Variants in DCPH1 observed in about 807,000 individuals in gnomAD.
DCPH1 encodes the protein damage-control phosphatase 1.
chr6:151,467,436 T>TA, the DCPH1 span, among the ~76,000 whole-genome samples: 2,368 of 149,952 alleles, frequency 0.016, 61 homozygotes, highest in African/African-American at 0.054. Context: ...CCATCTTTAT[T>TA]AAAAAAAAAA....
the DCPH1 span, among the ~76,000 whole-genome samples, chr6:151,466,293 TA>T: frequency 0.11 from 15,734 of 147,330 alleles, 840 homozygotes; most frequent in Middle Eastern, 0.17. Context: ...GCCTTGGAAT[TA>T]AAAAAAAAAA....
At chr6:151,458,597 A>G in the DCPH1 span, 2 of 1,542,742 alleles carry the variant, frequency 1.3e-6, no homozygotes, top group East Asian at 2.3e-5. Flanking sequence ...ATCAACTATC[A>G]AATGTTTAGA....
chr6:151,464,574 C>G, the DCPH1 span: 1 of 1,610,450 alleles, frequency 6.2e-7, no homozygotes, highest in Non-Finnish European at 8.5e-7. Context: ...TATTGAAGAC[C>G]TAGATGAAAA....
the DCPH1 span, among the ~76,000 whole-genome samples, chr6:151,462,451 G>A: frequency 6.6e-6 from 1 of 152,036 alleles, no homozygotes; most frequent in Non-Finnish European, 1.5e-5. Context: ...TTTTGTGTCT[G>A]GCTTCTTTCA....
At chr6:151,467,325 A>G in the DCPH1 span, among the ~76,000 whole-genome samples, 8 of 151,674 alleles carry the variant, frequency 5.3e-5, no homozygotes, top group Admixed American at 1.3e-4. Context: ...AGGGCCTGAC[A>G]AGGTGGCTCA....
At chr6:151,464,687 A>G in the DCPH1 span, 2 of 972,598 alleles carry the variant, frequency 2.1e-6, no homozygotes, top group Non-Finnish European at 2.9e-6. Flanking sequence ...TACAGTTAAC[A>G]AAACATGTAA....
the DCPH1 span, chr6:151,458,621 T>C: frequency 6.8e-7 from 1 of 1,470,814 alleles, no homozygotes; most frequent in Non-Finnish European, 9.2e-7. Flanking sequence ...TTTATACTTT[T>C]TCTGAAATTG....
the DCPH1 span, chr6:151,468,342 G>T: frequency 6.5e-7 from 1 of 1,532,082 alleles, no homozygotes; most frequent in Non-Finnish European, 8.7e-7. Flanking sequence ...TTCTTTTTCA[G>T]ATTTCACTGT....
the DCPH1 span, among the ~76,000 whole-genome samples, chr6:151,468,158 G>T: frequency 8.5e-5 from 13 of 152,118 alleles, no homozygotes; most frequent in Non-Finnish European, 8.8e-5. Flanking sequence ...GTTTTATCTT[G>T]TTAATACAGC....
chr6:151,453,693 AGCTAAGCTC>A, the DCPH1 span, among the ~76,000 whole-genome samples: 1 of 152,240 alleles, frequency 6.6e-6, no homozygotes, highest in Non-Finnish European at 1.5e-5. Context: ...AACACTAGTC[AGCTAAGCTC>A]TGTGCTCTAT....
chr6:151,453,585 T>C, the DCPH1 span, among the ~76,000 whole-genome samples: 2 of 152,228 alleles, frequency 1.3e-5, no homozygotes, highest in Non-Finnish European at 2.9e-5. Flanking sequence ...AGTTTTTTTC[T>C]TAAAGTTCTA....
At chr6:151,452,505 G>A in the DCPH1 span, 4 of 1,608,676 alleles carry the variant, frequency 2.5e-6, no homozygotes, top group Non-Finnish European at 3.4e-6. Flanking sequence ...TTTCTGCGGC[G>A]ATTGAACAGC....
chr6:151,459,005 C>T, the DCPH1 span, among the ~76,000 whole-genome samples: 141 of 152,164 alleles, frequency 9.3e-4, no homozygotes, highest in African/African-American at 3.3e-3. Flanking sequence ...GGCATGGTGG[C>T]ACGGGCCTGT....
the DCPH1 span, among the ~76,000 whole-genome samples, chr6:151,459,017 A>G: frequency 6.6e-6 from 1 of 152,112 alleles, no homozygotes; most frequent in African/African-American, 2.4e-5. Context: ...CGGGCCTGTA[A>G]TCCCAGGTAC....
the DCPH1 span, among the ~76,000 whole-genome samples, chr6:151,457,575 G>T: frequency 6.6e-6 from 1 of 151,962 alleles, no homozygotes; most frequent in Non-Finnish European, 1.5e-5. Context: ...TTTTTTTCTA[G>T]CAGCAAAATA....
At chr6:151,462,151 A>G in the DCPH1 span, among the ~76,000 whole-genome samples, 3 of 152,272 alleles carry the variant, frequency 2.0e-5, no homozygotes, top group African/African-American at 7.2e-5. Flanking sequence ...AGGTAAATAC[A>G]CTTCAGATAT....
chr6:151,466,969 G>A, the DCPH1 span, among the ~76,000 whole-genome samples: 63 of 151,830 alleles, frequency 4.1e-4, no homozygotes, highest in African/African-American at 1.4e-3. Context: ...AATACTGTTC[G>A]GCCGGGCATG....
chr6:151,457,226 G>C, the DCPH1 span, among the ~76,000 whole-genome samples: 4 of 152,206 alleles, frequency 2.6e-5, no homozygotes, highest in Non-Finnish European at 4.4e-5. Context: ...TGGCAGATGT[G>C]TGTCTCTTGG....
chr6:151,454,530 C>G, the DCPH1 span: 1 of 1,166,448 alleles, frequency 8.6e-7, no homozygotes, highest in Non-Finnish European at 1.3e-6. Context: ...TTATATATTG[C>G]ATGTGACTCT....
Sources: gnomAD v4.1 joint callset for allele counts (sites outside exome capture counted in the v4.1 genomes callset) on GRCh38, gnomAD v4.1.1 for gene constraint, MANE v1.5 for transcripts, NCBI Gene and HGNC (gene_info 2026-07-23, HGNC 2026-07-21) for gene names.